Variants in APAF1 observed in about 807,000 individuals in gnomAD.
APAF1 encodes the protein apoptotic peptidase activating factor 1, also known as apoptotic protease-activating factor 1.
APAF1 carries 91 observed loss-of-function variants against 152.4 expected under a neutral mutation model. The ratio of observed to expected loss-of-function variants is 0.60; its 90% CI spans 0.50 to 0.71. The LOEUF (loss-of-function observed/expected upper bound fraction) is 0.71, where lower values mean the gene tolerates loss of function less well. Among genes scored for constraint, APAF1 ranks in the 30% least tolerant of loss-of-function variants. The probability of loss-of-function intolerance (pLI) is 0.00; values close to 1 mark genes in which losing one functional copy is unlikely to be tolerated. For synonymous variants in APAF1, 484 were observed against 494.1 expected (o/e 0.98, Z 0.27); for missense variants, 1,283 against 1,472.0 (o/e 0.87, Z 2.10).
intron 16 of APAF1, 69 bp from the exon 17 acceptor site, chr12:98,699,339 A>G: frequency 6.7e-7 from 1 of 1,485,884 alleles, no homozygotes; most frequent in Non-Finnish European, 9.2e-7. Context: ...CATTTAATTT[A>G]GGAAAAATTC....
At position 98,723,327 on chromosome 12, in the gene APAF1, A is replaced by G; in HGVS notation, c.3204+15A>G. On this transcript the variant is annotated intron_variant, in intron 23 of 26. Transcript: ENST00000551964. ...GAACAGTGAAGGTAATTTAAAGTAT[A>G]AATTTGTTTTTTGAAAAAGTATTCT... 3 of 1,612,408 alleles carry G rather than the reference A, an allele frequency of 1.9e-6. No individual in the cohort carries two copies. Among genetic ancestry groups the G allele is most frequent in the Non-Finnish European group, 1.7e-6 (2 of 1,178,870 alleles).
At chr12:98,688,306 A>G (rs968373447) in intron 16 of APAF1, among the ~76,000 whole-genome samples, 2 of 151,908 alleles carry the variant, frequency 1.3e-5, no homozygotes, top group African/African-American at 4.8e-5. Flanking sequence ...CATCTTTGAC[A>G]TTGTTGTCTC....
chr12:98,649,395 A>AG, intron 3 of APAF1, 92 bp from the exon 4 acceptor site: 1 of 1,468,540 alleles, frequency 6.8e-7, no homozygotes, highest in Non-Finnish European at 9.4e-7. Context: ...TTTCAGGCTA[A>AG]GCCTCAGCTT....
intron 9 of APAF1, among the ~76,000 whole-genome samples, 180 bp downstream of exon 9, chr12:98,666,537 A>G (rs2097672963): frequency 6.6e-6 from 1 of 152,232 alleles, no homozygotes; most frequent in Non-Finnish European, 1.5e-5. Context: ...TAACATTGAT[A>G]CAATACTGTT....
intron 5 of APAF1, among the ~76,000 whole-genome samples, chr12:98,659,843 T>G (rs2153313234): frequency 6.6e-6 from 1 of 150,828 alleles, no homozygotes; most frequent in East Asian, 2.0e-4. Context: ...AAAAAAAAAG[T>G]GGCTGCCACT....
At position 98,683,167 on chromosome 12, in the gene APAF1, C is replaced by T; in HGVS notation, c.2071C>T (p.Leu691=). ...VKIWNSMTGE[L]VHTYDEHSEQ... ...GATTTGGAATTCTATGACTGGGGAA[C>T]TAGTACACACCTATGATGAGCACTC... Residue 691 remains leucine, a synonymous_variant, in exon 15 of 27, where the codon CTA becomes TTA. Coordinates refer to ENST00000551964, the MANE Select transcript of APAF1 (RefSeq NM_181861.2). The T allele has an allele frequency of 6.2e-7, 1 of 1,612,766 alleles. No individual in the cohort carries two copies. The highest frequency in any genetic ancestry group is 8.5e-7 in the Non-Finnish European group (1 of 1,178,970).
chr12:98,708,621 G>A lies in APAF1; in HGVS notation c.2758G>A (p.Val920Ile), dbSNP rs2097724443. ...AAAGAAAGTATGTAAGAACTCTGCT[G>A]TAATGTTAAAGCAAGAAGTAGATGT... ...ETKKVCKNSA[V>I]MLKQEVDVVF... The change falls in exon 20 of 27, where the codon GTA becomes ATA. Residue 920 changes from valine to isoleucine, a missense_variant. Transcript: ENST00000551964. 3 of 1,612,850 alleles carry A rather than the reference G, an allele frequency of 1.9e-6. No homozygotes were observed. The highest frequency in any genetic ancestry group is 2.5e-6 in the Non-Finnish European group (3 of 1,179,014).
intron 26 of APAF1, among the ~76,000 whole-genome samples, chr12:98,730,740 C>T (rs1451231134): frequency 6.6e-6 from 1 of 152,190 alleles, no homozygotes; most frequent in Admixed American, 6.5e-5. Context: ...TAAAAAGGAA[C>T]AGCTGCTGTA....
rs376632932 is a variant in APAF1, at chr12:98,647,947, G to T, written c.-41-372G>T. ...GCCTCCCAATGTGCTGGGATTATAG[G>T]CTTGAGCTACCACACCTGATTGGAA... is the stretch of plus-strand genomic sequence containing the variant. On this transcript the variant is annotated intron_variant, in intron 1 of 26. Coordinates refer to ENST00000551964, the MANE Select transcript of APAF1 (RefSeq NM_181861.2). 8.1e-4 allele frequency among the ~76,000 whole-genome samples: 123 copies of T among 151,848 alleles called. 1 individual carries two copies. In the South Asian group the frequency reaches 0.025, roughly 31 times the overall value.
intron 5 of APAF1, among the ~76,000 whole-genome samples, chr12:98,659,752 GAAAA>G (rs34536171): frequency 6.7e-5 from 6 of 89,920 alleles, no homozygotes; most frequent in Non-Finnish European, 1.3e-4. Flanking sequence ...AACTCCATCA[GAAAA>G]AAAAAAAAAA....
At chr12:98,672,926 G>T (rs938615354) in intron 12 of APAF1, among the ~76,000 whole-genome samples, 1 of 151,208 alleles carries the variant, frequency 6.6e-6, no homozygotes, top group Non-Finnish European at 1.5e-5. Context: ...GGCCGATTTT[G>T]TATTTTTTTT....
chr12:98,653,680 AAAAAAAAAAAAATATATATATAT>A (rs2097652022), intron 4 of APAF1, among the ~76,000 whole-genome samples: 1 of 66,794 alleles, frequency 1.5e-5, no homozygotes, highest in African/African-American at 5.2e-5. Flanking sequence ...AAAAAAAAAA[AAAAAAAAAAAAATATATATATAT>A]ATATATATAT....
intron 24 of APAF1, 76 bp from the exon 25 acceptor site, chr12:98,725,339 T>C (rs968266171): frequency 1.0e-5 from 16 of 1,578,450 alleles, no homozygotes; most frequent in Admixed American, 1.7e-5. Flanking sequence ...ATTGAATTTA[T>C]GGCTGAATAG....
chr12:98,707,709 T>TATATATATATATATATATATATATAC (rs899955094), intron 19 of APAF1, among the ~76,000 whole-genome samples: 60 of 149,828 alleles, frequency 4.0e-4, no homozygotes, highest in South Asian at 8.4e-4. Flanking sequence ...TATATATATA[T>TATATATATATATATATATATATATAC]ATACATATAA....
intron 13 of APAF1, among the ~76,000 whole-genome samples, chr12:98,679,957 G>A (rs914116557): frequency 6.6e-6 from 1 of 152,232 alleles, no homozygotes; most frequent in Non-Finnish European, 1.5e-5. Flanking sequence ...AGGCCAAGTG[G>A]GTGAAACAAG....
intron 7 of APAF1, 35 bp from the exon 8 acceptor site, chr12:98,665,518 G>T: frequency 7.4e-7 from 1 of 1,358,544 alleles, no homozygotes. Flanking sequence ...AAAATAGGAT[G>T]GTATTAGCAT....
intron 22 of APAF1, among the ~76,000 whole-genome samples, chr12:98,716,926 C>T (rs188544441): frequency 8.6e-5 from 13 of 151,730 alleles, no homozygotes; most frequent in African/African-American, 2.4e-4. Flanking sequence ...AGTGCAGTGG[C>T]GCGATCTTGG....
At chr12:98,670,469 ATAATTTTCTATAAAAAT>A (rs2097678793) in intron 10 of APAF1, among the ~76,000 whole-genome samples, 4 of 152,034 alleles carry the variant, frequency 2.6e-5, no homozygotes, top group African/African-American at 9.7e-5. Context: ...TCTATAAAAA[ATAATTTTCTATAAAAAT>A]AAGGATTGAA....
rs2118852 is a variant in APAF1, at chr12:98,645,689, G to T, written c.-188G>T. On this transcript the variant is annotated 5_prime_UTR_variant, in exon 1 of 27. Transcript: ENST00000551964. ...CTGTGAGGCCCGGACCTGCCCCGGG[G>T]CGAAGGGTATGTGGCGAGACAGAGC... 0.073 allele frequency: 11,158 copies of T among 152,412 alleles called. 563 individuals carry two copies. The highest frequency in any genetic ancestry group is 0.21 in the East Asian group (1,067 of 5,156). The allele number at this position is 152,412 out of a possible 1,614,324, so 9.4% of individuals were successfully genotyped here.
Sources: allele counts gnomAD v4.1 joint callset (sites outside exome capture counted in the v4.1 genomes callset), GRCh38; gene constraint gnomAD v4.1.1; transcripts MANE v1.5; gene names NCBI Gene and HGNC (gene_info 2026-07-23, HGNC 2026-07-21).